The following CYP3A7 variants were observed in gnomAD, a reference collection of about 807,000 sequenced individuals.
The protein encoded by CYP3A7 is cytochrome P450 family 3 subfamily A member 7.
Under a neutral mutation model 55.2 loss-of-function variants are expected in CYP3A7, and 45 were observed. The ratio of observed to expected loss-of-function variants is 0.82; its 90% CI spans 0.64 to 1.05. CYP3A7 has a LOEUF of 1.05. Ranked by LOEUF, CYP3A7 falls within the 50% of genes least tolerant of loss-of-function variation. The probability of loss-of-function intolerance (pLI) is 0.00; values close to 1 mark genes in which losing one functional copy is unlikely to be tolerated. For missense variants in CYP3A7, 548 were observed against 605.3 expected (o/e 0.91, Z 0.99); for synonymous variants, 180 against 207.4 (o/e 0.87, Z 1.13).
chr7:99,709,466 GCA>G (rs1813662691), intron 10 of CYP3A7, among the ~76,000 whole-genome samples: 1 of 152,104 alleles, frequency 6.6e-6, no homozygotes. Context: ...AGTTATGAAA[GCA>G]GGAGACATTC....
At chr7:99,718,576 C>A (rs1814063172) in intron 4 of CYP3A7, among the ~76,000 whole-genome samples, 1 of 152,138 alleles carries the variant, frequency 6.6e-6, no homozygotes, top group South Asian at 2.1e-4. Flanking sequence ...CCCACTTCAT[C>A]TAAATCATTC....
intron 3 of CYP3A7, 107 bp from the exon 4 acceptor site, chr7:99,720,519 T>G (rs1814159047): frequency 8.3e-7 from 1 of 1,205,274 alleles, no homozygotes; most frequent in Non-Finnish European, 1.2e-6. Flanking sequence ...ATCCTCTAGA[T>G]GTACAATACA....
intron 1 of CYP3A7, among the ~76,000 whole-genome samples, chr7:99,733,681 A>G (rs1814716352): frequency 6.6e-6 from 1 of 151,830 alleles, no homozygotes; most frequent in African/African-American, 2.4e-5. Context: ...CCTTCAAGTG[A>G]CCTCCACTAG....
Position 99,715,758 on chromosome 7 carries a change from T to C in CYP3A7, c.670A>G (p.Lys224Glu). 6.2e-7 allele frequency: 1 copy of C among 1,613,746 alleles called. No individual in the cohort carries two copies. Among genetic ancestry groups the C allele is most frequent in the Non-Finnish European group, 8.5e-7 (1 of 1,179,724 alleles). The part of the protein sequence containing the change: ...NPLDPFVLSI[K>E]VFPFLTPILE... ...GAAAAGGAAATAGTAGTCCACATAC[T>C]TATTGAGAGAACGAATGGATCTAAT... The change falls in exon 7 of 13, where the codon AAA becomes GAA. Residue 224 changes from lysine (K) to glutamate (E), a missense_variant and splice_region_variant. Transcript: ENST00000336374.
At position 99,709,046 on chromosome 7, in the gene CYP3A7, G is replaced by T; in HGVS notation, c.1242C>A (p.Phe414Leu). Residue 414 changes from phenylalanine (F) to leucine (L), a missense_variant, in exon 11 of 13, where the codon TTC (phenylalanine) becomes TTA (leucine). Coordinates refer to ENST00000336374, the MANE Select transcript of CYP3A7 (RefSeq NM_000765.5). ...DPKYWTEPEK[F>L]LPERFSKKNK... ...CAGGGGCCTCCTACCTTTCAGGGAG[G>T]AACTTCTCAGGCTCTGTCCAGTACT... The T allele has an allele frequency of 1.9e-6, 3 of 1,613,928 alleles. No homozygotes were observed. The highest frequency in any genetic ancestry group is 2.5e-6 in the Non-Finnish European group (3 of 1,179,908).
intron 12 of CYP3A7, among the ~76,000 whole-genome samples, chr7:99,707,152 A>G (rs1265670314): frequency 6.6e-6 from 1 of 152,198 alleles, no homozygotes; most frequent in East Asian, 1.9e-4. Context: ...CAGAGTTATA[A>G]TTGAGTTGAA....
In CYP3A7 at chr7:99,713,515, C is replaced by T. The variant is rs200137477; in HGVS notation, c.819G>A (p.Gln273=). The change falls in exon 9 of 13, where the codon CAG becomes CAA. Residue 273 remains glutamine (Q), a synonymous_variant. Transcript: ENST00000336374. ...TTGAATTCTGAGAGTCAATCATCAG[C>T]TGAAGGAAATCCACTCGGTGCTAGA... is the stretch of plus-strand genomic sequence containing the variant. ...ETQKHRVDFL[Q]LMIDSQNSKD... 124 of 1,613,420 alleles carry T rather than the reference C, an allele frequency of 7.7e-5. No homozygotes were observed. Among genetic ancestry groups the T allele is most frequent in the Non-Finnish European group, 1.0e-4 (121 of 1,179,550 alleles).
At chr7:99,716,550 C>A (rs544966110) in intron 6 of CYP3A7, among the ~76,000 whole-genome samples, 58 of 152,238 alleles carry the variant, frequency 3.8e-4, no homozygotes, top group Non-Finnish European at 6.8e-4. Flanking sequence ...GATTTGGAAA[C>A]TTCTATAGTG....
At chr7:99,722,755 CTT>C (rs1484191749) in intron 2 of CYP3A7, among the ~76,000 whole-genome samples, 1 of 152,162 alleles carries the variant, frequency 6.6e-6, no homozygotes, top group African/African-American at 2.4e-5. Context: ...TCTTTTTTCT[CTT>C]TGTTCTTCAT....
chr7:99,725,949 C>T (rs1350364524), intron 2 of CYP3A7, among the ~76,000 whole-genome samples: 2 of 152,144 alleles, frequency 1.3e-5, no homozygotes, highest in East Asian at 3.9e-4. Context: ...CTTAAAACTC[C>T]CCAACTTTGG....
At chr7:99,712,661 TAGAC>T (rs762389653) in intron 9 of CYP3A7, among the ~76,000 whole-genome samples, 43 of 152,118 alleles carry the variant, frequency 2.8e-4, no homozygotes, top group African/African-American at 7.5e-4. Context: ...GATAGATAGA[TAGAC>T]AGACAGACAG....
chr7:99,710,748 G>C lies in CYP3A7; in HGVS notation c.1010C>G (p.Thr337Arg), dbSNP rs763703301. Reference sequence around the variant, plus strand: ...TCCACTCACCTTATTGGGTAAAACTGTATCAATTTCCTTCTGCACTTTCTG... The same window carrying C: ...TCCACTCACCTTATTGGGTAAAACTCTATCAATTTCCTTCTGCACTTTCTG... ...VQQKVQKEIDTVLPNKAPPTY... is the reference protein window; with the variant it reads ...VQQKVQKEIDRVLPNKAPPTY... The change falls in exon 10 of 13, where the codon ACA becomes AGA. Residue 337 changes from threonine (T) to arginine (R), a missense_variant. Coordinates refer to ENST00000336374, the MANE Select transcript of CYP3A7 (RefSeq NM_000765.5). The C allele has an allele frequency of 2.5e-6, 4 of 1,613,828 alleles. No individual in the cohort carries two copies. The highest frequency in any genetic ancestry group is 1.7e-6 in the Non-Finnish European group (2 of 1,179,836).
intron 2 of CYP3A7, among the ~76,000 whole-genome samples, chr7:99,725,761 G>A (rs751785676): frequency 1.7e-4 from 26 of 152,132 alleles, no homozygotes; most frequent in Non-Finnish European, 3.2e-4. Context: ...CGATCACCTC[G>A]GAAGCCCCCC....
chr7:99,724,093 T>C (rs2404769), intron 2 of CYP3A7, among the ~76,000 whole-genome samples: 115,811 of 151,964 alleles, frequency 0.76, 47,098 homozygotes, highest in Non-Finnish European at 0.91. Context: ...AAGTACCATC[T>C]CCCCTCTCTC....
chr7:99,734,501 A>G (rs1312866457), intron 1 of CYP3A7, among the ~76,000 whole-genome samples: 2 of 152,196 alleles, frequency 1.3e-5, no homozygotes, highest in Non-Finnish European at 2.9e-5. Context: ...ACTAAAGATG[A>G]ATGGGGGAGA....
intron 1 of CYP3A7, among the ~76,000 whole-genome samples, chr7:99,731,912 GAC>G: frequency 6.6e-6 from 1 of 152,296 alleles, no homozygotes; most frequent in East Asian, 1.9e-4. Context: ...TTTCCTGAAT[GAC>G]ACTGTGCAGA....
At chr7:99,725,498 C>T (rs1814376664) in intron 2 of CYP3A7, among the ~76,000 whole-genome samples, 1 of 152,216 alleles carries the variant, frequency 6.6e-6, no homozygotes, top group East Asian at 1.9e-4. Flanking sequence ...CAAGCCACAG[C>T]TCCCAGGGGC....
chr7:99,709,555 T>G (rs1309480188), intron 10 of CYP3A7, among the ~76,000 whole-genome samples: 3 of 152,090 alleles, frequency 2.0e-5, no homozygotes, highest in South Asian at 2.1e-4. Context: ...GAAGCAAACA[T>G]GACTAATAGG....
chr7:99,714,310 C>G (rs1413910709), intron 8 of CYP3A7, among the ~76,000 whole-genome samples: 1 of 152,160 alleles, frequency 6.6e-6, no homozygotes, highest in Non-Finnish European at 1.5e-5. Context: ...ATATTTATGT[C>G]ATGGCATACT....
Sources: allele counts gnomAD v4.1 joint callset (sites outside exome capture counted in the v4.1 genomes callset), GRCh38; gene constraint gnomAD v4.1.1; transcripts MANE v1.5; gene names NCBI Gene and HGNC (gene_info 2026-07-23, HGNC 2026-07-21).